The following NDRG2 variants were observed in gnomAD, a reference collection of about 807,000 sequenced individuals.
The protein encoded by NDRG2 is NDRG family member 2, also known as protein NDRG2.
A neutral mutation model predicts 58.2 loss-of-function variants in NDRG2; 34 were observed. The ratio of observed to expected loss-of-function variants is 0.58; its 90% CI spans 0.44 to 0.78. The LOEUF is 0.78. Among genes scored for constraint, NDRG2 ranks in the 30% least tolerant of loss-of-function variants. The probability of loss-of-function intolerance (pLI) is 0.00; values close to 1 mark genes in which losing one functional copy is unlikely to be tolerated. For missense variants in NDRG2, 434 were observed against 471.2 expected (o/e 0.92, Z 0.73); for synonymous variants, 187 against 175.9 (o/e 1.06, Z -0.50).
rs375585553 is a variant in NDRG2, at chr14:21,031,849, C to A, written c.25-8528G>T. 10 of 1,591,708 alleles carry A rather than the reference C, an allele frequency of 6.3e-6. No homozygotes were observed. In the Admixed American group the frequency reaches 1.7e-4, roughly 27 times the overall value. On this transcript the variant is annotated intron_variant, in intron 1 of 14. Transcript: ENST00000403829. ...CATCTTTGGGGAAGGGATATGACAG[C>A]GTAAGGAAAGGAAGAGAGCTCAAAT...
intron 7 of NDRG2, 56 bp from the exon 8 acceptor site, chr14:21,020,638 C>G: frequency 6.3e-7 from 1 of 1,594,656 alleles, no homozygotes; most frequent in African/African-American, 1.3e-5. Flanking sequence ...TATCCCCTCC[C>G]CGCTAAGCTC....
chr14:21,030,585 G>A (rs757325397), upstream of NDRG2: 4 of 1,613,348 alleles, frequency 2.5e-6, no homozygotes, highest in South Asian at 2.2e-5. Context: ...GCTGACCATG[G>A]CATCAGAGGC....
At position 21,070,149 on chromosome 14, in the gene NDRG2, C is replaced by G. The variant is rs567478242; in HGVS notation, c.24+679G>C. 4.5e-6 allele frequency: 1 copy of G among 221,806 alleles called. No homozygotes were observed. Among genetic ancestry groups the G allele is most frequent in the South Asian group, 1.8e-4 (1 of 5,444 alleles). 13.7% of individuals were successfully genotyped at this position (221,806 alleles called of 1,614,324 possible). A position where few individuals can be genotyped will look rare whatever the true frequency, so the allele number is the denominator to read the frequency against. ...ACGGCAGAGATCTCGGCGCGGGAGA[C>G]AGAGTCCCGGCAAGGGGTCCCGCGC... On this transcript the variant is annotated intron_variant, in intron 1 of 14. Transcript: ENST00000403829. The surrounding 1 kb of genome is among the most constrained non-coding windows in gnomAD (Gnocchi z 4.7).
chr14:21,026,171 C>G (rs1270985343), upstream of NDRG2, among the ~76,000 whole-genome samples: 1 of 152,138 alleles, frequency 6.6e-6, no homozygotes, highest in Non-Finnish European at 1.5e-5. Flanking sequence ...CACACACACC[C>G]TGGAATGAGC....
At chr14:21,040,619 ACCTGGT>A (rs1383129740) in intron 1 of NDRG2, among the ~76,000 whole-genome samples, 1 of 152,092 alleles carries the variant, frequency 6.6e-6, no homozygotes, top group African/African-American at 2.4e-5. Flanking sequence ...CTTCCCAATG[ACCTGGT>A]CTCTGGTCCC....
Position 21,017,684 on chromosome 14 carries a change from C to G in NDRG2, c.1028G>C (p.Arg343Pro), listed in dbSNP as rs755169312. 5.6e-6 allele frequency: 9 copies of G among 1,610,342 alleles called. No homozygotes were observed. The highest frequency in any genetic ancestry group is 7.6e-6 in the Non-Finnish European group (9 of 1,178,276). ...LTSAASVDGN[R>P]SRSRTLSQSS... Reference sequence around the variant, plus strand: ...CTGGGACAGGGTGCGAGAGCGGGACCGGTTGCCATCAACGGATGCTGCACT... The same window carrying G: ...CTGGGACAGGGTGCGAGAGCGGGACGGGTTGCCATCAACGGATGCTGCACT... Residue 343 changes from arginine (R) to proline (P), a missense_variant, in exon 16 of 16, where the codon CGG becomes CCG. Arg to Pro is a moderately radical substitution (Grantham distance 103, BLOSUM62 -2). Coordinates refer to ENST00000556147, the MANE Select transcript of NDRG2 (RefSeq NM_001320329.2).
Position 21,017,560 on chromosome 14 carries a change from G to A in NDRG2, c.*36C>T. ...CTCCCAGGTTAGCTCTGGGGGAGGT[G>A]AGGGCTGGGTCCCACTCTAGGGCAA... On this transcript the variant is annotated 3_prime_UTR_variant, in exon 16 of 16. Coordinates refer to ENST00000556147, the MANE Select transcript of NDRG2 (RefSeq NM_001320329.2). 6.3e-7 allele frequency: 1 copy of A among 1,598,248 alleles called. No homozygotes were observed. Among genetic ancestry groups the A allele is most frequent in the South Asian group, 1.1e-5 (1 of 88,264 alleles).
rs1886562046 is a variant in NDRG2 at position 21,070,068 on chromosome 14, G to A, written c.24+760C>T. 6.6e-6 allele frequency among the ~76,000 whole-genome samples: 1 copy of A among 152,218 alleles called. No individual in the cohort carries two copies. The highest frequency in any genetic ancestry group is 2.4e-5 in the African/African-American group (1 of 41,458). On this transcript the variant is annotated intron_variant, in intron 1 of 14. Transcript: ENST00000403829. This position sits in a 1 kb window ranked among gnomAD's most constrained non-coding sequence, Gnocchi z 4.7. The stretch of plus-strand genomic sequence containing the variant: ...GAGGTTACCCGCTGGAGGGCGGGGC[G>A]GAGAAGAAAGAAGGTTGCCGGTGAA...
At chr14:21,042,830 G>C in intron 1 of NDRG2, 1 of 631,100 alleles carries the variant, frequency 1.6e-6, no homozygotes, top group Non-Finnish European at 2.7e-6. Flanking sequence ...TGGACACACA[G>C]AAGAAGAGGC....
At chr14:21,033,108 G>A (rs137881630) in intron 1 of NDRG2, 1 of 408,398 alleles carries the variant, frequency 2.4e-6, no homozygotes, top group East Asian at 7.1e-5. Flanking sequence ...AAATGCCAGT[G>A]AGCCAAGGTA....
chr14:21,022,959 G>T, intron 2 of NDRG2, 54 bp from the exon 3 acceptor site: 2 of 1,597,712 alleles, frequency 1.3e-6, no homozygotes, highest in Non-Finnish European at 1.7e-6. Flanking sequence ...TGGCGTCCCA[G>T]ATGGAGAGAC....
At chr14:21,042,640 C>T (rs901318854) in intron 1 of NDRG2, among the ~76,000 whole-genome samples, 9 of 151,752 alleles carry the variant, frequency 5.9e-5, no homozygotes, top group South Asian at 2.1e-4. Flanking sequence ...GGAACACAGA[C>T]GAGATGGGAA....
At chr14:21,057,800 A>C in intron 1 of NDRG2, 1 of 1,087,176 alleles carries the variant, frequency 9.2e-7, no homozygotes, top group Non-Finnish European at 1.3e-6. Flanking sequence ...GGCTTAGGGT[A>C]TGAAATTCTT....
intron 1 of NDRG2, among the ~76,000 whole-genome samples, chr14:21,069,623 C>T (rs998114286): frequency 2.0e-5 from 3 of 152,228 alleles, no homozygotes; most frequent in African/African-American, 7.2e-5. Flanking sequence ...CCCTAACTCC[C>T]GCACACTCCC....
In NDRG2 at chr14:21,047,566, T is replaced by C. The variant is rs554904076; in HGVS notation, c.24+23262A>G. 1.3e-3 allele frequency among the ~76,000 whole-genome samples: 194 copies of C among 152,326 alleles called. 1 individual carries two copies. The highest frequency in any genetic ancestry group is 2.4e-3 in the Non-Finnish European group (160 of 68,036). The stretch of plus-strand genomic sequence containing the variant: ...CCAAATACCAAGGCTGGCTGAACTG[T>C]GATGCATTCCTACTTGAAAGCTGAA... On this transcript the variant is annotated intron_variant, in intron 1 of 14. Coordinates refer to the NDRG2 transcript ENST00000403829.
chr14:21,067,980 CTTTTTTTTTTTTTTTTTTTTTT>C (rs1171332473), intron 1 of NDRG2, among the ~76,000 whole-genome samples: 1 of 22,284 alleles, frequency 4.5e-5, no homozygotes, highest in Non-Finnish European at 1.2e-4. Flanking sequence ...AGTGGCTCCC[CTTTTTTTTTTTTTTTTTTTTTT>C]TTTTTTTTTT....
At chr14:21,022,567 T>G (rs2138954570) in intron 3 of NDRG2, 70 bp from the exon 4 acceptor site, 1 of 1,182,750 alleles carries the variant, frequency 8.5e-7, no homozygotes, top group African/African-American at 1.5e-5. Context: ...AACACCAAGG[T>G]CAGGGAGCTG....
intron 1 of NDRG2, chr14:21,034,054 A>G: frequency 1.9e-6 from 3 of 1,614,216 alleles, no homozygotes; most frequent in Non-Finnish European, 2.5e-6. Flanking sequence ...ATGGCCTTCC[A>G]AGGGGCATGT....
intron 1 of NDRG2, among the ~76,000 whole-genome samples, chr14:21,040,854 A>G (rs1594493804): frequency 6.6e-6 from 1 of 152,104 alleles, no homozygotes; most frequent in Non-Finnish European, 1.5e-5. Context: ...ACCAACCCCT[A>G]TACTGTTCTA....
Sources: allele counts gnomAD v4.1 joint callset (sites outside exome capture counted in the v4.1 genomes callset), GRCh38; gene constraint gnomAD v4.1.1; non-coding constraint Gnocchi (gnomAD v3.1); transcripts MANE v1.5; gene names NCBI Gene and HGNC (gene_info 2026-07-23, HGNC 2026-07-21).